Variants in INPP5D observed in about 807,000 individuals in gnomAD.
INPP5D encodes the protein phosphatidylinositol 3,4,5-trisphosphate 5-phosphatase 1.
In INPP5D, 33 loss-of-function variants were observed where a neutral mutation model predicts 122.9. The observed-to-expected ratio is 0.27, with a 90% CI of 0.20 to 0.36. The LOEUF is 0.36. Ranked by LOEUF, INPP5D falls within the 10% of genes least tolerant of loss-of-function variation. The pLI is 1.00. For synonymous variants in INPP5D, 584 were observed against 576.2 expected, an observed-to-expected ratio of 1.01 and a Z score of -0.19; for missense variants, 1,053 against 1,412.7, an observed-to-expected ratio of 0.75 and a Z score of 4.08.
intron 6 of INPP5D, chr2:233,145,872 A>C: frequency 3.5e-6 from 2 of 578,986 alleles, no homozygotes; most frequent in Non-Finnish European, 3.3e-6. Flanking sequence ...GTAACATGCA[A>C]GGACAGTCCT....
intron 17 of INPP5D, among the ~76,000 whole-genome samples, chr2:233,174,079 C>T (rs1694560232): frequency 6.6e-6 from 1 of 152,246 alleles, no homozygotes; most frequent in Non-Finnish European, 1.5e-5. Flanking sequence ...CCTATGATGA[C>T]AATGTCTTCT....
chr2:233,089,256 T>G (rs1181555832), intron 2 of INPP5D, among the ~76,000 whole-genome samples: 1 of 152,186 alleles, frequency 6.6e-6, no homozygotes, highest in Non-Finnish European at 1.5e-5. Context: ...CTGGTTGCCT[T>G]TTGTTGAGCC....
intron 2 of INPP5D, among the ~76,000 whole-genome samples, chr2:233,119,966 G>A (rs922532448): frequency 6.6e-6 from 1 of 152,196 alleles, no homozygotes; most frequent in African/African-American, 2.4e-5. Context: ...TGACTTGGAG[G>A]CGGAAAGGCC....
rs919898000 is a variant in INPP5D, at chr2:233,160,234, C to T, written c.1138-1490C>T. Among the ~76,000 whole-genome samples the T allele has an allele frequency of 2.6e-5, 4 of 152,176 alleles. No individual in the cohort carries two copies. The highest frequency in any genetic ancestry group is 9.6e-5 in the African/African-American group (4 of 41,454). ...AGGTTGAATCATGTAAAATTTCTGTCTTTGCAGGTTGAAACAGTCAAACAC... is the reference window on the plus strand; with the variant it reads ...AGGTTGAATCATGTAAAATTTCTGTTTTTGCAGGTTGAAACAGTCAAACAC... On this transcript the variant is annotated intron_variant, in intron 10 of 26. Transcript: ENST00000445964. This position sits in a 1 kb window ranked among gnomAD's most constrained non-coding sequence, Gnocchi z 4.2.
Position 233,146,199 on chromosome 2 carries a change from A to G in INPP5D, c.791A>G (p.Lys264Arg), listed in dbSNP as rs1340656573. The change falls in exon 7 of 27, where the codon AAG (lysine) becomes AGG (arginine). Residue 264 changes from lysine to arginine, a missense_variant. By Grantham distance (26) the Lys-to-Arg change is conservative (BLOSUM62 2). This residue lies in a region of INPP5D where 196 missense variants were observed against 175.6 expected (regional missense o/e 1.12). Coordinates refer to ENST00000445964, the MANE Select transcript of INPP5D (RefSeq NM_001017915.3). ...GCCAATCCCATCAACATGGTGTCCA[A>G]GCTCAGCCAACTGACAAGCCTGTTG... ...GEANPINMVSKLSQLTSLLSS... is the reference protein window; with the variant it reads ...GEANPINMVSRLSQLTSLLSS... 2.8e-6 allele frequency: 2 copies of G among 704,202 alleles called. No homozygotes were observed. The highest frequency in any genetic ancestry group is 5.2e-6 in the Non-Finnish European group (2 of 384,990). 43.6% of individuals were successfully genotyped at this position (704,202 alleles called of 1,614,324 possible). A position where few individuals can be genotyped will look rare whatever the true frequency, so the allele number is the denominator to read the frequency against.
chr2:233,198,400 G>A (rs763335324), intron 25 of INPP5D, 24 bp downstream of exon 25: 8 of 1,593,082 alleles, frequency 5.0e-6, no homozygotes, highest in South Asian at 2.2e-5. Context: ...TCATTAAGAC[G>A]GCTCCCTCCC....
In INPP5D at chr2:233,125,724, C is replaced by T. The variant is rs373679891; in HGVS notation, c.350-21C>T. ...GTGCGCACAGTGTCCTCACCAATGG[C>T]CTTCCTGCTGTTCTCTCCAGTAGAA... is the stretch of plus-strand genomic sequence containing the variant. On this transcript the variant is annotated intron_variant, in intron 3 of 26. Transcript: ENST00000445964. 3 of 1,603,852 alleles carry T rather than the reference C, an allele frequency of 1.9e-6. No individual in the cohort carries two copies. In the African/African-American group the frequency reaches 4.0e-5, roughly 21 times the overall value.
chr2:233,091,125 G>A (rs1486941099), intron 2 of INPP5D, among the ~76,000 whole-genome samples: 1 of 152,134 alleles, frequency 6.6e-6, no homozygotes, highest in Non-Finnish European at 1.5e-5. Context: ...CTTGGCACCT[G>A]CCCTGCCTTG....
Position 233,204,503 on chromosome 2 carries a change from C to A in INPP5D, c.3353C>A (p.Ala1118Asp). The A allele has an allele frequency of 1.3e-6, 2 of 1,582,312 alleles. No homozygotes were observed. The highest frequency in any genetic ancestry group is 2.3e-5 in the East Asian group (1 of 42,882). Residue 1118 changes from alanine (A) to aspartate (D), a missense_variant, in exon 26 of 27, where the codon GCC becomes GAC. By Grantham distance (126) the Ala-to-Asp change is moderately radical. Around this residue, in one of 6 missense-constraint regions of INPP5D, gnomAD observed 417 missense variants for 425.8 expected, o/e 0.98. Transcript: ENST00000445964. The stretch of plus-strand genomic sequence containing the variant: ...GTCAGCTCCCAGGCCCCGGTGCCGG[C>A]CAAGAGGCCCATCAAGCCTTCCAGA... ...TPVSSQAPVP[A>D]KRPIKPSRSE...
intron 2 of INPP5D, among the ~76,000 whole-genome samples, chr2:233,092,782 G>A (rs770694427): frequency 1.6e-4 from 25 of 152,134 alleles, no homozygotes; most frequent in Non-Finnish European, 2.1e-4. Context: ...TCAATCTCCC[G>A]TCCCTTCTTC....
chr2:233,087,980 A>AT (rs375789365), intron 2 of INPP5D, among the ~76,000 whole-genome samples: 43 of 147,046 alleles, frequency 2.9e-4, no homozygotes, highest in Non-Finnish European at 4.8e-4. Context: ...TGAGCTCCTC[A>AT]TTTTTTTTTT....
At position 233,177,724 on chromosome 2, in the gene INPP5D, G is replaced by T. The variant is rs1330743711; in HGVS notation, c.2071+378G>T. ...CAAGCAGCTGGGATTACAGGCTCCTGCCACCATGCCTGGCTAATTTTTGTA... is the reference window on the plus strand; with the variant it reads ...CAAGCAGCTGGGATTACAGGCTCCTTCCACCATGCCTGGCTAATTTTTGTA... On this transcript the variant is annotated intron_variant, in intron 18 of 26. Coordinates refer to ENST00000445964, the MANE Select transcript of INPP5D (RefSeq NM_001017915.3). This position sits in a 1 kb window ranked among gnomAD's most constrained non-coding sequence, Gnocchi z 4.2. Among the ~76,000 whole-genome samples, 1 of 152,086 alleles carries T rather than the reference G, an allele frequency of 6.6e-6. No individual in the cohort carries two copies. Among genetic ancestry groups the T allele is most frequent in the African/African-American group, 2.4e-5 (1 of 41,400 alleles).
At chr2:233,156,425 G>T (rs1350989668) in intron 9 of INPP5D, among the ~76,000 whole-genome samples, 1 of 152,224 alleles carries the variant, frequency 6.6e-6, no homozygotes, top group Non-Finnish European at 1.5e-5. Flanking sequence ...GAGTGGCTGG[G>T]ACTACAGGTG....
intron 8 of INPP5D, 67 bp downstream of exon 8, chr2:233,146,505 G>A: frequency 1.4e-6 from 1 of 701,748 alleles, no homozygotes; most frequent in Non-Finnish European, 2.6e-6. Flanking sequence ...ACATGTTCTT[G>A]TTCCTGTGGA....
At chr2:233,127,697 C>A (rs369581928) in intron 4 of INPP5D, among the ~76,000 whole-genome samples, 2 of 152,336 alleles carry the variant, frequency 1.3e-5, no homozygotes, top group African/African-American at 4.8e-5. Context: ...CAACCTCCCC[C>A]TCCCGGGTTC....
chr2:233,095,519 A>C (rs1247651606), intron 2 of INPP5D, among the ~76,000 whole-genome samples: 1 of 149,800 alleles, frequency 6.7e-6, no homozygotes, highest in Non-Finnish European at 1.5e-5. Flanking sequence ...GCTACTTGGG[A>C]GGCTGAGGCA....
At chr2:233,136,477 T>TAAAAAA (rs56838121) in intron 5 of INPP5D, among the ~76,000 whole-genome samples, 66,156 of 144,158 alleles carry the variant, frequency 0.46, 15,493 homozygotes, top group African/African-American at 0.52. Context: ...AGACCGCGTT[T>TAAAAAA]AAAAAAAAAA....
At chr2:233,169,506 C>A in intron 14 of INPP5D, 105 bp downstream of exon 14, 3 of 1,496,542 alleles carry the variant, frequency 2.0e-6, no homozygotes, top group Non-Finnish European at 2.7e-6. Context: ...TGCCTTTGAC[C>A]TTGTGGATGT....
chr2:233,139,921 C>T lies in INPP5D; in HGVS notation c.745C>T (p.Arg249Cys), dbSNP rs1335962867. The T allele has an allele frequency of 2.5e-6, 1 of 398,724 alleles. No homozygotes were observed. Among genetic ancestry groups the T allele is most frequent in the Non-Finnish European group, 4.4e-6 (1 of 226,196 alleles). The allele number at this position is 398,724 out of a possible 1,614,324, so 24.7% of individuals were successfully genotyped here. A position where few individuals can be genotyped will look rare whatever the true frequency, so the allele number is the denominator to read the frequency against. ...GCAGCTCTCCCCGGGCCTCCGTCCA[C>T]GTCCTCAGGTAAAGGGTCTTGGGGT... ...DQQLSPGLRP[R>C]PQVPGEANPI... The change falls in exon 6 of 27, where the codon CGT (arginine) becomes TGT (cysteine). Residue 249 changes from arginine to cysteine, a missense_variant. By Grantham distance (180) the Arg-to-Cys change is radical. This residue lies in a region of INPP5D where 196 missense variants were observed against 175.6 expected (regional missense o/e 1.12). Transcript: ENST00000445964.
Sources: gnomAD v4.1 joint callset for allele counts (sites outside exome capture counted in the v4.1 genomes callset) on GRCh38, gnomAD v4.1.1 for gene constraint, gnomAD v4.1.1 regional missense constraint, Gnocchi (gnomAD v3.1) non-coding constraint, MANE v1.5 for transcripts, NCBI Gene and HGNC (gene_info 2026-07-23, HGNC 2026-07-21) for gene names.